ZNF853: variants seen among roughly 807,000 people sequenced by gnomAD.
ZNF853 encodes the protein zinc finger protein 853.
A neutral mutation model predicts 94.7 loss-of-function variants in ZNF853; 57 were observed. The observed-to-expected ratio is 0.60, with a 90% CI of 0.49 to 0.75. The LOEUF (loss-of-function observed/expected upper bound fraction) is 0.75, where lower values mean the gene tolerates loss of function less well. Ranked by LOEUF, ZNF853 falls within the 30% of genes least tolerant of loss-of-function variation. The pLI is 0.00. For synonymous variants in ZNF853, 448 were observed against 406.3 expected, an observed-to-expected ratio of 1.10 and a Z score of -1.23; for missense variants, 785 against 868.9, an observed-to-expected ratio of 0.90 and a Z score of 1.21.
rs1206053457 is a variant in ZNF853 at position 6,624,113 on chromosome 7, C to G, written c.*1142C>G. ...GGAAGGTGGGGCAGGGAGGAGGCTG[C>G]CCGCCACCTCTGCCCCCAGTCACTT... is the stretch of plus-strand genomic sequence containing the variant. On this transcript the variant is annotated 3_prime_UTR_variant, in exon 3 of 3. Coordinates refer to ENST00000457543, the MANE Select transcript of ZNF853 (RefSeq NM_017560.3). 2.0e-5 allele frequency: 3 copies of G among 152,206 alleles called. No individual in the cohort carries two copies. The highest frequency in any genetic ancestry group is 7.2e-5 in the African/African-American group (3 of 41,444). 9.4% of individuals were successfully genotyped at this position (152,206 alleles called of 1,614,324 possible).
Position 6,617,318 on chromosome 7 carries a change from CG to C in ZNF853, c.130+16del. 1 of 1,441,558 alleles carries C rather than the reference CG, an allele frequency of 6.9e-7. No individual in the cohort carries two copies. 89.3% of individuals were successfully genotyped at this position (1,441,558 alleles called of 1,614,324 possible). Reference sequence around the variant, plus strand: ...CTGACACCCTCTCAGGTGAGGGCCTCGGGGGATCCCTTGACAGAGCCTCATG... The same window carrying C: ...CTGACACCCTCTCAGGTGAGGGCCTCGGGGATCCCTTGACAGAGCCTCATG... On this transcript the variant is annotated intron_variant, in intron 2 of 2. Transcript: ENST00000457543.
At chr7:6,620,528 A>G in intron 2 of ZNF853, among the ~76,000 whole-genome samples, 1 of 152,054 alleles carries the variant, frequency 6.6e-6, no homozygotes, top group Non-Finnish European at 1.5e-5. Context: ...GCTGGGGTCC[A>G]GAGGGAGGTC....
rs768582540 is a variant in ZNF853, at chr7:6,622,585, C to T, written c.1594C>T (p.Gln532Ter). The T allele has an allele frequency of 6.3e-6, 10 of 1,576,034 alleles. No individual in the cohort carries two copies. The highest frequency in any genetic ancestry group is 8.6e-6 in the Non-Finnish European group (10 of 1,161,884). Residue 532 changes from glutamine (Q) to a stop codon, truncating the protein, a stop_gained, in exon 3 of 3, where the codon CAA becomes TAA. Coordinates refer to ENST00000457543, the MANE Select transcript of ZNF853 (RefSeq NM_017560.3). LOFTEE classifies it high-confidence loss of function. ...FSQHSNLVTHQRIHTGEKPYA... is the reference protein window; with the variant it reads ...FSQHSNLVTH ...GCAGCACTCGAATCTGGTGACGCAC[C>T]AACGCATCCACACGGGCGAGAAACC...
In ZNF853 at chr7:6,616,087, G is replaced by T; in HGVS notation, c.-88G>T. 7.2e-7 allele frequency: 1 copy of T among 1,395,662 alleles called. No individual in the cohort carries two copies. The highest frequency in any genetic ancestry group is 1.3e-5 in the South Asian group (1 of 78,754). 86.5% of individuals were successfully genotyped at this position (1,395,662 alleles called of 1,614,324 possible). On this transcript the variant is annotated 5_prime_UTR_variant, in exon 1 of 3. Transcript: ENST00000457543. ...GCTCTTTCTGGATGGAGGCGCCTCC[G>T]GAAGGAGCCGGCTGCACGCCGTGGC...
intron 2 of ZNF853, among the ~76,000 whole-genome samples, chr7:6,618,666 C>T: frequency 0.3 from 45,549 of 151,440 alleles, 6,996 homozygotes; most frequent in Admixed American, 0.39. Context: ...GCTGAGATTG[C>T]GCCACTACAC....
Position 6,622,830 on chromosome 7 carries a change from C to A in ZNF853, c.1839C>A (p.Arg613=). Residue 613 remains arginine, a synonymous_variant, in exon 3 of 3, where the codon CGC becomes CGA. Coordinates refer to ENST00000457543, the MANE Select transcript of ZNF853 (RefSeq NM_017560.3). The stretch of plus-strand genomic sequence containing the variant: ...GCTTCCGACACAAGGTGCAGATCCG[C>A]CGCCACGAGCGCCAGCTGCACGGCG... ...GERFRHKVQI[R]RHERQLHGAG... 1 of 1,520,380 alleles carries A rather than the reference C, an allele frequency of 6.6e-7. No individual in the cohort carries two copies. Among genetic ancestry groups the A allele is most frequent in the Non-Finnish European group, 8.8e-7 (1 of 1,137,934 alleles). 94.2% of individuals were successfully genotyped at this position (1,520,380 alleles called of 1,614,324 possible). A position where few individuals can be genotyped will look rare whatever the true frequency, so the allele number is the denominator to read the frequency against.
chr7:6,622,439 G>C lies in ZNF853; in HGVS notation c.1448G>C (p.Arg483Pro), dbSNP rs1782649062. 1.4e-6 allele frequency: 2 copies of C among 1,474,946 alleles called. No homozygotes were observed. Among genetic ancestry groups the C allele is most frequent in the South Asian group, 1.3e-5 (1 of 75,342 alleles). 91.4% of individuals were successfully genotyped at this position (1,474,946 alleles called of 1,614,324 possible). ...CGGCGGCGGCGGCGCGCTCGGGACC[G>C]GCCGACCATCTGCGGGGAGTGCGGC... Reference protein sequence around the residue: ...RQRRRRRARDRPTICGECGKG... With the variant: ...RQRRRRRARDPPTICGECGKG... The change falls in exon 3 of 3, where the codon CGG (arginine) becomes CCG (proline). Residue 483 changes from arginine to proline, a missense_variant. By Grantham distance (103) the Arg-to-Pro change is moderately radical. Coordinates refer to ENST00000457543, the MANE Select transcript of ZNF853 (RefSeq NM_017560.3).
In ZNF853 at chr7:6,623,096, A is replaced by G. The variant is rs1782673271; in HGVS notation, c.*125A>G. The G allele has an allele frequency of 1.2e-5, 9 of 768,414 alleles. No homozygotes were observed. Among genetic ancestry groups the G allele is most frequent in the African/African-American group, 1.8e-5 (1 of 55,746 alleles). 47.6% of individuals were successfully genotyped at this position (768,414 alleles called of 1,614,324 possible). Reference sequence around the variant, plus strand: ...AATATCCCTGGAGTAAAAGGCTTCCACCATCATCATCATCATCATCTTCCG... The same window carrying G: ...AATATCCCTGGAGTAAAAGGCTTCCGCCATCATCATCATCATCATCTTCCG... On this transcript the variant is annotated 3_prime_UTR_variant, in exon 3 of 3. Coordinates refer to ENST00000457543, the MANE Select transcript of ZNF853 (RefSeq NM_017560.3).
chr7:6,619,689 A>G, intron 2 of ZNF853, among the ~76,000 whole-genome samples: 1 of 152,234 alleles, frequency 6.6e-6, no homozygotes, highest in Non-Finnish European at 1.5e-5. Flanking sequence ...TAGGGAGAAG[A>G]GATGTTGAAA....
In ZNF853 at chr7:6,622,406, C is replaced by T. The variant is rs1326179617; in HGVS notation, c.1415C>T (p.Ala472Val). Residue 472 changes from alanine (A) to valine (V), a missense_variant, in exon 3 of 3, where the codon GCA (alanine) becomes GTA (valine). Coordinates refer to ENST00000457543, the MANE Select transcript of ZNF853 (RefSeq NM_017560.3). The stretch of plus-strand genomic sequence containing the variant: ...GCAGGCAGCGCGGCGTTGACCCCTG[C>T]ACGGCAGCGGCGGCGGCGGCGCGCT... ...GPAGSAALTP[A>V]RQRRRRRARD... 7.1e-6 allele frequency: 10 copies of T among 1,406,666 alleles called. No individual in the cohort carries two copies. The highest frequency in any genetic ancestry group is 1.5e-5 in the African/African-American group (1 of 64,826). The allele number at this position is 1,406,666 out of a possible 1,614,324, so 87.1% of individuals were successfully genotyped here. A position where few individuals can be genotyped will look rare whatever the true frequency, so the allele number is the denominator to read the frequency against.
Position 6,623,048 on chromosome 7 carries a change from C to A in ZNF853, c.*77C>A. 8.3e-7 allele frequency: 1 copy of A among 1,208,946 alleles called. No individual in the cohort carries two copies. Among genetic ancestry groups the A allele is most frequent in the South Asian group, 4.1e-5 (1 of 24,362 alleles). 74.9% of individuals were successfully genotyped at this position (1,208,946 alleles called of 1,614,324 possible). A position where few individuals can be genotyped will look rare whatever the true frequency, so the allele number is the denominator to read the frequency against. On this transcript the variant is annotated 3_prime_UTR_variant, in exon 3 of 3. Transcript: ENST00000457543. ...CCTGAAAAGCTCCTTGACCCGGGTT[C>A]ATGGGCGCTGGAGGCGTCCTGGAAT...
At chr7:6,617,128 G>T in intron 1 of ZNF853, 62 bp from the exon 2 acceptor site, 1 of 1,363,904 alleles carries the variant, frequency 7.3e-7, no homozygotes, top group Non-Finnish European at 9.9e-7. Flanking sequence ...GGGGCCTGTG[G>T]GCACCTGGCG....
chr7:6,622,207 C>A lies in ZNF853; in HGVS notation c.1216C>A (p.Pro406Thr). ...GCAGGAGGTGCAGCTGGAGCTGACC[C>A]CCGTGCAGCCGGAGCTGCAGCTGGA... is the stretch of plus-strand genomic sequence containing the variant. ...QQQEVQLELTPVQPELQLELV... is the reference protein window; with the variant it reads ...QQQEVQLELTTVQPELQLELV... The change falls in exon 3 of 3, where the codon CCC becomes ACC. Residue 406 changes from proline (P) to threonine (T), a missense_variant. Transcript: ENST00000457543. The A allele has an allele frequency of 2.0e-6, 3 of 1,536,966 alleles. No individual in the cohort carries two copies. The highest frequency in any genetic ancestry group is 2.6e-6 in the Non-Finnish European group (3 of 1,145,590).
At position 6,624,108 on chromosome 7, in the gene ZNF853, G is replaced by A. The variant is rs951174721; in HGVS notation, c.*1137G>A. 1 of 152,194 alleles carries A rather than the reference G, an allele frequency of 6.6e-6. No individual in the cohort carries two copies. Among genetic ancestry groups the A allele is most frequent in the African/African-American group, 2.4e-5 (1 of 41,446 alleles). The allele number at this position is 152,194 out of a possible 1,614,324, so 9.4% of individuals were successfully genotyped here. A position where few individuals can be genotyped will look rare whatever the true frequency, so the allele number is the denominator to read the frequency against. ...TTGTGGGAAGGTGGGGCAGGGAGGAGGCTGCCCGCCACCTCTGCCCCCAGT... is the reference window on the plus strand; with the variant it reads ...TTGTGGGAAGGTGGGGCAGGGAGGAAGCTGCCCGCCACCTCTGCCCCCAGT... On this transcript the variant is annotated 3_prime_UTR_variant, in exon 3 of 3. Coordinates refer to ENST00000457543, the MANE Select transcript of ZNF853 (RefSeq NM_017560.3).
chr7:6,622,821 G>A lies in ZNF853; in HGVS notation c.1830G>A (p.Val610=). 3 of 1,526,468 alleles carry A rather than the reference G, an allele frequency of 2.0e-6. No individual in the cohort carries two copies. Among genetic ancestry groups the A allele is most frequent in the Non-Finnish European group, 2.6e-6 (3 of 1,140,798 alleles). 94.6% of individuals were successfully genotyped at this position (1,526,468 alleles called of 1,614,324 possible). The change falls in exon 3 of 3, where the codon GTG becomes GTA. Residue 610 remains valine (V), a synonymous_variant. Transcript: ENST00000457543. ...GTGGCGAGCGCTTCCGACACAAGGT[G>A]CAGATCCGCCGCCACGAGCGCCAGC... ...EDCGERFRHK[V]QIRRHERQLH...
chr7:6,619,429 G>A, intron 2 of ZNF853, among the ~76,000 whole-genome samples: 3 of 151,942 alleles, frequency 2.0e-5, no homozygotes, highest in Admixed American at 6.6e-5. Flanking sequence ...ACACCACCAC[G>A]CCCGACTAAT....
At position 6,621,948 on chromosome 7, in the gene ZNF853, G is replaced by T. The variant is rs1216627297; in HGVS notation, c.957G>T (p.Glu319Asp). Reference sequence around the variant, plus strand: ...CCCTGGAGCCCGAGGAGGAGGAAGAGGTGGAGCTGGAGCTCATGCCGGTGG... The same window carrying T: ...CCCTGGAGCCCGAGGAGGAGGAAGATGTGGAGCTGGAGCTCATGCCGGTGG... Reference protein sequence around the residue: ...PPPLEPEEEEEVELELMPVDL... With the variant: ...PPPLEPEEEEDVELELMPVDL... The change falls in exon 3 of 3, where the codon GAG becomes GAT. Residue 319 changes from glutamate (E) to aspartate (D), a missense_variant. By Grantham distance (45) the Glu-to-Asp change is conservative (BLOSUM62 2). Transcript: ENST00000457543. The T allele has an allele frequency of 6.4e-7, 1 of 1,551,100 alleles. No individual in the cohort carries two copies. Among genetic ancestry groups the T allele is most frequent in the East Asian group, 2.4e-5 (1 of 40,926 alleles).
chr7:6,620,603 T>TTCTTTCTCTCTCTC, intron 2 of ZNF853, among the ~76,000 whole-genome samples: 1 of 132,554 alleles, frequency 7.5e-6, no homozygotes, highest in African/African-American at 3.0e-5. Context: ...CCTTCTTCCT[T>TTCTTTCTCTCTCTC]TCTTTCTCTC....
At position 6,621,286 on chromosome 7, in the gene ZNF853, GAGCCGCAGCAAC is replaced by G; in HGVS notation, c.303_314del (p.Gln102_Gln105del). ...ACTGCAGCAGTTAGAACAGCAGCCCGAGCCGCAGCAACAGCCGCAACACGAGCAGCTGCAACA... is the reference window on the plus strand; with the variant it reads ...ACTGCAGCAGTTAGAACAGCAGCCCGAGCCGCAACACGAGCAGCTGCAACA... On this transcript the variant is annotated inframe_deletion, in exon 3 of 3. Transcript: ENST00000457543. 9.0e-6 allele frequency: 14 copies of G among 1,550,940 alleles called. No individual in the cohort carries two copies. Among genetic ancestry groups the G allele is most frequent in the African/African-American group, 1.4e-5 (1 of 73,130 alleles).
Sources: gnomAD v4.1 joint callset for allele counts (sites outside exome capture counted in the v4.1 genomes callset) on GRCh38, gnomAD v4.1.1 for gene constraint, MANE v1.5 for transcripts, NCBI Gene and HGNC (gene_info 2026-07-23, HGNC 2026-07-21) for gene names.